Variants in HMCN2 observed in about 807,000 individuals in gnomAD.
HMCN2 encodes the protein hemicentin-2.
In HMCN2, 325 loss-of-function variants were observed where a neutral mutation model predicts 377.5. The ratio of observed to expected loss-of-function variants is 0.86; its 90% CI spans 0.79 to 0.94. HMCN2 has a LOEUF of 0.94. Ranked by LOEUF, HMCN2 falls within the 40% of genes least tolerant of loss-of-function variation. HMCN2 has a pLI of 0.00. For synonymous variants in HMCN2, 2,007 were observed against 2,046.8 expected, an observed-to-expected ratio of 0.98 and a Z score of 0.53; for missense variants, 4,543 against 4,725.3, an observed-to-expected ratio of 0.96 and a Z score of 1.13.
At chr9:130,329,059 A>G (rs909097054) in intron 22 of HMCN2, among the ~76,000 whole-genome samples, 3,361 of 152,310 alleles carry the variant, frequency 0.022, 47 homozygotes, top group Middle Eastern at 0.037. Context: ...TGTTTTTAGT[A>G]TATTCAGACT....
At chr9:130,420,516 C>A (rs562728310) in intron 86 of HMCN2, among the ~76,000 whole-genome samples, 1 of 152,288 alleles carries the variant, frequency 6.6e-6, no homozygotes, top group South Asian at 2.1e-4. Context: ...AAGCTGGAGG[C>A]TTAAGCCACA....
Position 130,423,997 on chromosome 9 carries a change from T to C in HMCN2, c.13382-779T>C, listed in dbSNP as rs1432772209. On this transcript the variant is annotated intron_variant, in intron 87 of 97. Transcript: ENST00000683500. The surrounding 1 kb of genome is among the most constrained non-coding windows in gnomAD (Gnocchi z 5.5). ...TTATTTCTTCTTTTTTTTTTCTTTT[T>C]GAGACTGCTTCTCGCTTTGTTGCCC... Among the ~76,000 whole-genome samples the C allele has an allele frequency of 6.6e-6, 1 of 151,820 alleles. No individual in the cohort carries two copies. Among genetic ancestry groups the C allele is most frequent in the African/African-American group, 2.4e-5 (1 of 41,366 alleles).
At position 130,421,602 on chromosome 9, in the gene HMCN2, C is replaced by T. The variant is rs566981810; in HGVS notation, c.13232-975C>T. On this transcript the variant is annotated intron_variant, in intron 86 of 97. Coordinates refer to ENST00000683500, the MANE Select transcript of HMCN2 (RefSeq NM_001291815.2). ...TGCGCGGGTCACACTCCAGCCTTCT[C>T]ATCTGCAGCTCCCGATCTCTTCTTC... is the stretch of plus-strand genomic sequence containing the variant. Among the ~76,000 whole-genome samples, 4 of 152,312 alleles carry T rather than the reference C, an allele frequency of 2.6e-5. No homozygotes were observed. In the South Asian group the frequency reaches 8.3e-4, roughly 32 times the overall value.
At position 130,403,252 on chromosome 9, in the gene HMCN2, G is replaced by A; in HGVS notation, c.11937G>A (p.Val3979=). The change falls in exon 79 of 98, where the codon GTG becomes GTA. Residue 3979 remains valine (V), a synonymous_variant. Transcript: ENST00000683500. ...TTCGGGCAGTGGCAGAGGAGGAGGT[G>A]CTGCTGCCCTGCGAGGCCTCAGGCA... ...SVVRAVAEEE[V]LLPCEASGIP... is the part of the protein sequence containing the mutation. 1 of 1,289,820 alleles carries A rather than the reference G, an allele frequency of 7.8e-7. No individual in the cohort carries two copies. The allele number at this position is 1,289,820 out of a possible 1,614,324, so 79.9% of individuals were successfully genotyped here.
chr9:130,391,723 G>A lies in HMCN2; in HGVS notation c.9952+149G>A, dbSNP rs576522705. The A allele has an allele frequency of 1.7e-5, 13 of 782,832 alleles. No homozygotes were observed. The African/African-American group carries it at 2.2e-4, about 14-fold the overall frequency. The allele number at this position is 782,832 out of a possible 1,614,324, so 48.5% of individuals were successfully genotyped here. On this transcript the variant is annotated intron_variant, in intron 65 of 97. Coordinates refer to ENST00000683500, the MANE Select transcript of HMCN2 (RefSeq NM_001291815.2). The stretch of plus-strand genomic sequence containing the variant: ...CCCATCCTCAAACTAGAGGACAATA[G>A]TGCCAGCCCAGGGTATAGCGGAGAT...
intron 97 of HMCN2, 116 bp downstream of exon 97, chr9:130,432,671 C>A (rs1002719984): frequency 1.0e-5 from 12 of 1,178,100 alleles, no homozygotes; most frequent in Non-Finnish European, 1.3e-5. Flanking sequence ...CAGGCAGGAA[C>A]GCACGGAGCC....
intron 1 of HMCN2, among the ~76,000 whole-genome samples, chr9:130,266,679 T>A (rs936578005): frequency 6.6e-6 from 1 of 152,208 alleles, no homozygotes; most frequent in Non-Finnish European, 1.5e-5. Context: ...TCTTGTCCCC[T>A]CGCCTGTCTT....
chr9:130,425,053 G>A lies in HMCN2; in HGVS notation c.13564G>A (p.Asp4522Asn), dbSNP rs1844247413. The change falls in exon 89 of 98, where the codon GAT becomes AAT. Residue 4522 changes from aspartate to asparagine, a missense_variant. By Grantham distance (23) the Asp-to-Asn change is conservative (BLOSUM62 1). Transcript: ENST00000683500. ...CCAGGTGGCCCGGGGTCTGGATCCC[G>A]ATGGCCTCCTGCTCCTCGACGTGGT... The part of the protein sequence containing the change: ...MTQVARGLDP[D>N]GLLLLDVVVN... The A allele has an allele frequency of 6.5e-6, 10 of 1,549,668 alleles. No homozygotes were observed. The highest frequency in any genetic ancestry group is 7.8e-6 in the Non-Finnish European group (9 of 1,146,646).
chr9:130,375,834 G>A (rs775551057), intron 50 of HMCN2, 42 bp from the exon 51 acceptor site: 1 of 983,156 alleles, frequency 1.0e-6, no homozygotes, highest in Non-Finnish European at 1.2e-6. Flanking sequence ...CTGGCATGAG[G>A]CTGCAGATTT....
At position 130,397,731 on chromosome 9, in the gene HMCN2, A is replaced by G. The variant is rs991741210; in HGVS notation, c.11326+76A>G. On this transcript the variant is annotated intron_variant, in intron 74 of 97. Transcript: ENST00000683500. ...TCCTTCTTAGTTTCTGAGTCACCCC[A>G]GCTGTAGGGGCCAAGAGCCAATGGT... 9.6e-5 allele frequency: 119 copies of G among 1,238,778 alleles called. No individual in the cohort carries two copies. In the South Asian group the frequency reaches 1.1e-3, roughly 11 times the overall value. 76.7% of individuals were successfully genotyped at this position (1,238,778 alleles called of 1,614,324 possible).
In HMCN2 at chr9:130,293,043, A is replaced by G. The variant is rs183308686; in HGVS notation, c.613-1812A>G. ...ATACCTACCTATCAATTTATCATCT[A>G]TCTCTATCTGGAGAACTTATACTGA... On this transcript the variant is annotated intron_variant, in intron 4 of 97. Transcript: ENST00000683500. 5.3e-5 allele frequency among the ~76,000 whole-genome samples: 8 copies of G among 151,920 alleles called. No homozygotes were observed. In the South Asian group the frequency reaches 8.3e-4, roughly 16 times the overall value.
At chr9:130,390,548 G>C (rs1476576146) in intron 62 of HMCN2, among the ~76,000 whole-genome samples, 1 of 152,184 alleles carries the variant, frequency 6.6e-6, no homozygotes, top group East Asian at 1.9e-4. Flanking sequence ...GAAGGGGGAG[G>C]CCTGAAGGCC....
chr9:130,339,109 G>T (rs1461966212), intron 23 of HMCN2, among the ~76,000 whole-genome samples: 2 of 152,172 alleles, frequency 1.3e-5, no homozygotes, highest in African/African-American at 4.8e-5. Flanking sequence ...GATAGCTTGA[G>T]CCCAGGAGGT....
rs780165429 is a variant in HMCN2, at chr9:130,425,847, G to T, written c.13802G>T (p.Arg4601Leu). 2 of 1,550,286 alleles carry T rather than the reference G, an allele frequency of 1.3e-6. No homozygotes were observed. Among genetic ancestry groups the T allele is most frequent in the Non-Finnish European group, 1.7e-6 (2 of 1,146,950 alleles). Residue 4601 changes from arginine (R) to leucine (L), a missense_variant, in exon 90 of 98, where the codon CGG (arginine) becomes CTG (leucine). By Grantham distance (102) the Arg-to-Leu change is moderately radical (BLOSUM62 -2). Transcript: ENST00000683500. ...GPQPQLVQHL[R>L]ASAISSAFDP... ...CAGCCCCAGCTGGTGCAGCACCTGC[G>T]GGCCTCAGCTATCAGCTCGGCCTTT... is the stretch of plus-strand genomic sequence containing the variant.
chr9:130,418,091 ACTAGAGGCAGTT>A (rs1843789201), intron 85 of HMCN2, among the ~76,000 whole-genome samples: 1 of 152,164 alleles, frequency 6.6e-6, no homozygotes, highest in Admixed American at 6.5e-5. Context: ...ATTGGCATCA[ACTAGAGGCAGTT>A]CTGACAGATG....
intron 41 of HMCN2, 100 bp from the exon 42 acceptor site, chr9:130,365,531 C>A (rs886178870): frequency 2.6e-5 from 13 of 495,684 alleles, no homozygotes; most frequent in African/African-American, 2.5e-4. Context: ...AGCTTGGGGG[C>A]TCAGCAAGGT....
intron 4 of HMCN2, among the ~76,000 whole-genome samples, chr9:130,286,585 G>T (rs1163764602): frequency 1.3e-5 from 2 of 152,220 alleles, no homozygotes; most frequent in Non-Finnish European, 2.9e-5. Flanking sequence ...AGGTAAAGAG[G>T]CTGAGGCTTG....
rs1171207581 is a variant in HMCN2, at chr9:130,305,868, G to A, written c.1817-261G>A. Among the ~76,000 whole-genome samples the A allele has an allele frequency of 2.0e-5, 3 of 152,186 alleles. No homozygotes were observed. The East Asian group carries it at 5.8e-4, about 29-fold the overall frequency. ...TCCCTAGAGCGCTCAGCCTGGAGTG[G>A]ACGTTCTAGGAGCACAGGGCTCCGG... On this transcript the variant is annotated intron_variant, in intron 11 of 97. Transcript: ENST00000683500.
Position 130,352,955 on chromosome 9 carries a change from G to A in HMCN2, c.4614G>A (p.Glu1538=). 7.7e-7 allele frequency: 1 copy of A among 1,298,794 alleles called. No individual in the cohort carries two copies. Among genetic ancestry groups the A allele is most frequent in the Non-Finnish European group, 1.0e-6 (1 of 985,802 alleles). The allele number at this position is 1,298,794 out of a possible 1,614,324, so 80.5% of individuals were successfully genotyped here. A position where few individuals can be genotyped will look rare whatever the true frequency, so the allele number is the denominator to read the frequency against. The change falls in exon 31 of 98, where the codon GAG becomes GAA. Residue 1538 remains glutamate (E), a synonymous_variant. Transcript: ENST00000683500. Reference sequence around the variant, plus strand: ...CCCCCACTATCTGGGGCTCCAACGAGACAGGCGAGGTGGCCGTCATGGAGG... The same window carrying A: ...CCCCCACTATCTGGGGCTCCAACGAAACAGGCGAGGTGGCCGTCATGGAGG... The part of the protein sequence containing the change: ...HAPPTIWGSN[E]TGEVAVMEDH...
Sources: gnomAD v4.1 joint callset for allele counts (sites outside exome capture counted in the v4.1 genomes callset) on GRCh38, gnomAD v4.1.1 for gene constraint, Gnocchi (gnomAD v3.1) non-coding constraint, MANE v1.5 for transcripts, NCBI Gene and HGNC (gene_info 2026-07-23, HGNC 2026-07-21) for gene names.